MIPOL1: variants seen among roughly 807,000 people sequenced by gnomAD.
MIPOL1 encodes the protein mirror-image polydactyly 1.
MIPOL1 carries 57 observed loss-of-function variants against 60.9 expected under a neutral mutation model. The ratio of observed to expected loss-of-function variants is 0.94; its 90% CI spans 0.76 to 1.17. The LOEUF is 1.17. Ranked by LOEUF, MIPOL1 falls within the 50% of genes most tolerant of loss-of-function variation. The probability of loss-of-function intolerance (pLI) is 0.00; values close to 1 mark genes in which losing one functional copy is unlikely to be tolerated. For missense variants in MIPOL1, 551 were observed against 511.6 expected (o/e 1.08, Z -0.74); for synonymous variants, 179 against 168.8 (o/e 1.06, Z -0.47).
chr14:37,246,164 A>G (rs1973167347), intron 1 of MIPOL1, among the ~76,000 whole-genome samples: 1 of 152,158 alleles, frequency 6.6e-6, no homozygotes, highest in Non-Finnish European at 1.5e-5. Context: ...ATATAAAAGC[A>G]TAGTTTAGTT....
intron 1 of MIPOL1, among the ~76,000 whole-genome samples, chr14:37,218,921 T>C (rs1352667437): frequency 8.6e-6 from 1 of 115,686 alleles, no homozygotes; most frequent in Non-Finnish European, 1.6e-5. Context: ...TGAGACCCTA[T>C]TTCAAAAAAA....
intron 6 of MIPOL1, among the ~76,000 whole-genome samples, chr14:37,272,437 C>T (rs1435136969): frequency 1.3e-5 from 2 of 151,488 alleles, no homozygotes; most frequent in Non-Finnish European, 3.0e-5. Context: ...TGGTTTAAAA[C>T]AACAAAAAAT....
chr14:37,362,084 T>C (rs2092288572), intron 9 of MIPOL1, among the ~76,000 whole-genome samples: 1 of 152,190 alleles, frequency 6.6e-6, no homozygotes, highest in Admixed American at 6.5e-5. Context: ...CTGTGTCCTT[T>C]AATTGGGGCA....
chr14:37,483,720 C>A, intron 11 of MIPOL1, among the ~76,000 whole-genome samples: 1 of 152,076 alleles, frequency 6.6e-6, no homozygotes, highest in East Asian at 1.9e-4. Context: ...ACTGCAGCCT[C>A]AAACTCAGGG....
intron 10 of MIPOL1, among the ~76,000 whole-genome samples, chr14:37,396,428 T>C (rs941053131): frequency 2.6e-5 from 4 of 152,148 alleles, no homozygotes; most frequent in Non-Finnish European, 5.9e-5. Flanking sequence ...ATGTTAACTT[T>C]AGATAACCTG....
chr14:37,237,699 A>G (rs1209071166), intron 1 of MIPOL1, among the ~76,000 whole-genome samples: 1 of 152,108 alleles, frequency 6.6e-6, no homozygotes, highest in Non-Finnish European at 1.5e-5. Flanking sequence ...GCCACCTTGA[A>G]GTTTTGATCT....
intron 9 of MIPOL1, among the ~76,000 whole-genome samples, chr14:37,318,717 G>A (rs1034493406): frequency 7.9e-5 from 12 of 152,026 alleles, no homozygotes; most frequent in Non-Finnish European, 1.6e-4. Context: ...ATATTGTATT[G>A]TATATACTAC....
chr14:37,272,560 G>A (rs760039560), intron 6 of MIPOL1, among the ~76,000 whole-genome samples: 4 of 151,416 alleles, frequency 2.6e-5, no homozygotes, highest in Non-Finnish European at 4.4e-5. Flanking sequence ...CTGATGAATA[G>A]GAGGTACAGT....
intron 1 of MIPOL1, among the ~76,000 whole-genome samples, chr14:37,235,346 G>T (rs1361848464): frequency 6.6e-6 from 1 of 152,146 alleles, no homozygotes; most frequent in East Asian, 1.9e-4. Flanking sequence ...TTCAACAGAT[G>T]TCATTGCTTC....
intron 1 of MIPOL1, among the ~76,000 whole-genome samples, chr14:37,200,219 T>G (rs777249308): frequency 1.3e-5 from 2 of 152,236 alleles, no homozygotes; most frequent in African/African-American, 2.4e-5. Context: ...TACCTGTATT[T>G]TAGGTTGTAC....
intron 12 of MIPOL1, among the ~76,000 whole-genome samples, chr14:37,518,524 G>A (rs2095388238): frequency 6.6e-6 from 1 of 152,050 alleles, no homozygotes. Context: ...TAGTAGAGAT[G>A]GGTTTTTGCT....
At chr14:37,438,781 G>A (rs566805510) in intron 11 of MIPOL1, among the ~76,000 whole-genome samples, 34 of 152,276 alleles carry the variant, frequency 2.2e-4, no homozygotes, top group African/African-American at 7.9e-4. Context: ...ATAAATACAC[G>A]CCCTTTGATT....
At chr14:37,456,655 G>A (rs1287391761) in intron 11 of MIPOL1, among the ~76,000 whole-genome samples, 4 of 152,070 alleles carry the variant, frequency 2.6e-5, no homozygotes, top group Non-Finnish European at 5.9e-5. Context: ...ATTGGCTTAT[G>A]TGTGTTTATT....
At chr14:37,415,473 C>G (rs1232125069) in intron 10 of MIPOL1, among the ~76,000 whole-genome samples, 1 of 151,036 alleles carries the variant, frequency 6.6e-6, no homozygotes, top group Non-Finnish European at 1.5e-5. Context: ...AAAAAAAATA[C>G]AAAAAATTAG....
intron 7 of MIPOL1, among the ~76,000 whole-genome samples, chr14:37,296,817 C>T (rs2085756553): frequency 6.6e-6 from 1 of 152,138 alleles, no homozygotes; most frequent in African/African-American, 2.4e-5. Flanking sequence ...TAATTAATAG[C>T]TTACCAACCA....
chr14:37,237,646 T>G lies in MIPOL1; in HGVS notation c.-198-9457T>G, dbSNP rs1224097006. 2.6e-5 allele frequency among the ~76,000 whole-genome samples: 4 copies of G among 152,208 alleles called. No individual in the cohort carries two copies. The East Asian group carries it at 5.8e-4, about 22-fold the overall frequency. ...TGTTGTTTGTAGAGGCTGGGTCTTG[T>G]GTTGCTCAGGCTGGTCTTCAACTCC... On this transcript the variant is annotated intron_variant, in intron 1 of 12. Transcript: ENST00000684589.
intron 12 of MIPOL1, among the ~76,000 whole-genome samples, chr14:37,525,324 G>A (rs2095440265): frequency 6.6e-6 from 1 of 152,094 alleles, no homozygotes; most frequent in African/African-American, 2.4e-5. Context: ...CACTTAGAAA[G>A]GACATCTTTC....
intron 4 of MIPOL1, among the ~76,000 whole-genome samples, chr14:37,267,576 T>C (rs1408249053): frequency 6.6e-6 from 1 of 152,144 alleles, no homozygotes; most frequent in Admixed American, 6.6e-5. Flanking sequence ...TTCTTTTTGG[T>C]GTTGGCTAAT....
chr14:37,284,017 C>T (rs901659879), intron 6 of MIPOL1, among the ~76,000 whole-genome samples: 2 of 151,550 alleles, frequency 1.3e-5, no homozygotes, highest in Admixed American at 6.6e-5. Context: ...ATGCCCAGCC[C>T]ACATTGCAGT....
Sources: gnomAD v4.1 joint callset for allele counts (sites outside exome capture counted in the v4.1 genomes callset) on GRCh38, gnomAD v4.1.1 for gene constraint, MANE v1.5 for transcripts, NCBI Gene and HGNC (gene_info 2026-07-23, HGNC 2026-07-21) for gene names.